Variants in STK4 observed in about 807,000 individuals in gnomAD.
STK4 encodes the protein serine/threonine-protein kinase 4.
In STK4, 30 loss-of-function variants were observed where a neutral mutation model predicts 64.9. The observed-to-expected ratio is 0.46, with a 90% CI of 0.35 to 0.63. The LOEUF is 0.63. Among genes scored for constraint, STK4 ranks in the 20% least tolerant of loss-of-function variants. The probability of loss-of-function intolerance (pLI) is 0.01; values close to 1 mark genes in which losing one functional copy is unlikely to be tolerated. For missense variants in STK4, 466 were observed against 598.5 expected, an observed-to-expected ratio of 0.78 and a Z score of 2.31; for synonymous variants, 177 against 199.0, an observed-to-expected ratio of 0.89 and a Z score of 0.93.
chr20:45,010,784 C>T (rs1005078584), intron 9 of STK4, among the ~76,000 whole-genome samples: 3 of 152,164 alleles, frequency 2.0e-5, no homozygotes, highest in African/African-American at 7.2e-5. Flanking sequence ...ATGTACTTCT[C>T]CTTGCTGGTT....
chr20:45,027,899 A>G (rs990234654), intron 10 of STK4, among the ~76,000 whole-genome samples: 1 of 152,172 alleles, frequency 6.6e-6, no homozygotes, highest in Non-Finnish European at 1.5e-5. Context: ...TAACATAATG[A>G]CCTCCAGTAA....
At chr20:45,019,022 A>G (rs1406282553) in intron 9 of STK4, among the ~76,000 whole-genome samples, 1 of 152,210 alleles carries the variant, frequency 6.6e-6, no homozygotes, top group Non-Finnish European at 1.5e-5. Flanking sequence ...ATGAGCCACC[A>G]TGCCTGGCCA....
chr20:45,045,307 A>G (rs150482631), intron 10 of STK4, among the ~76,000 whole-genome samples: 1 of 152,194 alleles, frequency 6.6e-6, no homozygotes, highest in Non-Finnish European at 1.5e-5. Flanking sequence ...TTATAGTTTG[A>G]GGAACTGGAG....
chr20:45,040,840 A>C (rs963095691), intron 10 of STK4, among the ~76,000 whole-genome samples: 5 of 152,002 alleles, frequency 3.3e-5, no homozygotes, highest in African/African-American at 1.2e-4. Flanking sequence ...TTTTTCCTTA[A>C]CCACTTTCAT....
At chr20:45,019,375 A>T (rs2068202554) in intron 9 of STK4, among the ~76,000 whole-genome samples, 1 of 152,112 alleles carries the variant, frequency 6.6e-6, no homozygotes, top group Non-Finnish European at 1.5e-5. Context: ...ATGTATCACT[A>T]TTTCTTTTTG....
chr20:44,975,445 A>C (rs2067323257), intron 2 of STK4: 2 of 873,714 alleles, frequency 2.3e-6, no homozygotes, highest in Non-Finnish European at 2.7e-6. Context: ...TTGCTGAGTG[A>C]GTGTATGAAG....
intron 9 of STK4, among the ~76,000 whole-genome samples, chr20:45,016,707 AG>A (rs2145360345): frequency 6.6e-6 from 1 of 152,332 alleles, no homozygotes; most frequent in South Asian, 2.1e-4. Flanking sequence ...GAAGGGCTCA[AG>A]GCCTATATAT....
intron 10 of STK4, among the ~76,000 whole-genome samples, chr20:45,047,602 A>C (rs2068716505): frequency 6.6e-6 from 1 of 152,200 alleles, no homozygotes; most frequent in African/African-American, 2.4e-5. Flanking sequence ...GAATATGTTA[A>C]TTGGACTATA....
chr20:45,045,020 G>A (rs1025199237), intron 10 of STK4, among the ~76,000 whole-genome samples: 1 of 152,042 alleles, frequency 6.6e-6, no homozygotes, highest in Admixed American at 6.6e-5. Context: ...GGTTCATTGT[G>A]TATTAAGTAT....
At chr20:45,049,947 C>CTTA (rs2068752096) in intron 10 of STK4, among the ~76,000 whole-genome samples, 1 of 152,172 alleles carries the variant, frequency 6.6e-6, no homozygotes, top group Non-Finnish European at 1.5e-5. Flanking sequence ...TGGGCCTAAA[C>CTTA]GTCTGAATGA....
At chr20:45,044,774 G>T (rs969187833) in intron 10 of STK4, among the ~76,000 whole-genome samples, 6 of 152,144 alleles carry the variant, frequency 3.9e-5, no homozygotes, top group African/African-American at 1.4e-4. Flanking sequence ...CATTACATAA[G>T]AAGAAGGGTG....
intron 4 of STK4, among the ~76,000 whole-genome samples, chr20:44,986,627 G>A (rs2067534682): frequency 6.6e-6 from 1 of 152,196 alleles, no homozygotes; most frequent in South Asian, 2.1e-4. Flanking sequence ...AAGCAAAGAA[G>A]CCAGTCGGGA....
intron 9 of STK4, among the ~76,000 whole-genome samples, chr20:45,011,730 T>TATATATATATATATATATATATACA (rs1555813605): frequency 1.2e-5 from 1 of 83,636 alleles, no homozygotes. Context: ...TATATATATA[T>TATATATATATATATATATATATACA]TTTTTTTTTT....
intron 10 of STK4, among the ~76,000 whole-genome samples, chr20:45,054,763 G>A (rs930044977): frequency 3.9e-5 from 6 of 152,114 alleles, no homozygotes; most frequent in African/African-American, 4.8e-5. Flanking sequence ...GAGCAAATGA[G>A]ATTAATACAT....
Position 45,078,136 on chromosome 20 carries a change from C to G in STK4, c.*2960C>G, listed in dbSNP as rs1261683429. On this transcript the variant is annotated 3_prime_UTR_variant, in exon 11 of 11. Coordinates refer to ENST00000372806, the MANE Select transcript of STK4 (RefSeq NM_006282.5). ...GAGAAATTTGAGGTCCTCGCTTGTT[C>G]TCTGCCTTCAAGAAACAATGACCTG... is the stretch of plus-strand genomic sequence containing the variant. 1 of 151,334 alleles carries G rather than the reference C, an allele frequency of 6.6e-6. No homozygotes were observed. The highest frequency in any genetic ancestry group is 1.9e-4 in the East Asian group (1 of 5,176). 9.4% of individuals were successfully genotyped at this position (151,334 alleles called of 1,614,324 possible). A position where few individuals can be genotyped will look rare whatever the true frequency, so the allele number is the denominator to read the frequency against.
At chr20:45,044,482 C>CA (rs1402070077) in intron 10 of STK4, among the ~76,000 whole-genome samples, 3 of 151,896 alleles carry the variant, frequency 2.0e-5, no homozygotes, top group Non-Finnish European at 4.4e-5. Context: ...CCCATCTCTA[C>CA]AAAAAATAAA....
At chr20:44,968,339 G>A (rs553749671) in intron 1 of STK4, among the ~76,000 whole-genome samples, 4 of 152,250 alleles carry the variant, frequency 2.6e-5, no homozygotes, top group East Asian at 3.9e-4. Flanking sequence ...GGGTTTCACC[G>A]TGTTAGCCAG....
At chr20:45,058,053 TCA>T (rs3044396) in intron 10 of STK4, among the ~76,000 whole-genome samples, 58,113 of 147,726 alleles carry the variant, frequency 0.39, 12,066 homozygotes, top group East Asian at 0.67. Flanking sequence ...AGTTTGAAGG[TCA>T]CACACACACA....
chr20:44,980,566 G>A (rs2067418789), intron 3 of STK4, among the ~76,000 whole-genome samples: 1 of 152,152 alleles, frequency 6.6e-6, no homozygotes, highest in African/African-American at 2.4e-5. Flanking sequence ...CTTTATAATA[G>A]ATTGTAGTAT....
Sources: gnomAD v4.1 joint callset for allele counts (sites outside exome capture counted in the v4.1 genomes callset) on GRCh38, gnomAD v4.1.1 for gene constraint, MANE v1.5 for transcripts, NCBI Gene and HGNC (gene_info 2026-07-23, HGNC 2026-07-21) for gene names.